ITGA9: variants seen among roughly 807,000 people sequenced by gnomAD.
ITGA9 encodes integrin alpha-9.
A neutral mutation model predicts 127.8 loss-of-function variants in ITGA9; 56 were observed. The ratio of observed to expected loss-of-function variants is 0.44; its 90% confidence interval spans 0.35 to 0.55. The LOEUF is 0.55. ITGA9 is among the 20% of genes least tolerant of loss of function. The pLI is 0.00. For missense variants in ITGA9, 1,196 were observed against 1,347.1 expected, an observed-to-expected ratio of 0.89 and a Z score of 1.76; for synonymous variants, 508 against 514.5, an observed-to-expected ratio of 0.99 and a Z score of 0.17.
At chr3:37,533,763 G>A (rs778836443) in intron 14 of ITGA9, among the ~76,000 whole-genome samples, 1 of 152,232 alleles carries the variant, frequency 6.6e-6, no homozygotes, top group African/African-American at 2.4e-5. Context: ...TATGGGACTG[G>A]TGGAGATATA....
At chr3:37,779,044 C>A (rs932288755) in intron 24 of ITGA9, among the ~76,000 whole-genome samples, 1 of 151,968 alleles carries the variant, frequency 6.6e-6, no homozygotes, top group Non-Finnish European at 1.5e-5. Flanking sequence ...CATTTTGGAA[C>A]CTATCATATA....
chr3:37,602,255 A>G (rs534178766), intron 15 of ITGA9, among the ~76,000 whole-genome samples: 10 of 152,242 alleles, frequency 6.6e-5, no homozygotes, highest in Admixed American at 2.0e-4. Context: ...TCTCCAAAAC[A>G]TTGTTCAAAA....
intron 15 of ITGA9, among the ~76,000 whole-genome samples, chr3:37,602,478 G>A (rs1413714925): frequency 6.6e-6 from 1 of 152,040 alleles, no homozygotes; most frequent in Non-Finnish European, 1.5e-5. Context: ...AGGGACTGAA[G>A]TAAATTTCCT....
At chr3:37,652,523 T>C (rs1700439495) in intron 16 of ITGA9, among the ~76,000 whole-genome samples, 3 of 152,108 alleles carry the variant, frequency 2.0e-5, no homozygotes, top group African/African-American at 4.8e-5. Context: ...CTTTTGGAAA[T>C]GTGGCAGGGG....
intron 18 of ITGA9, among the ~76,000 whole-genome samples, chr3:37,684,398 C>T (rs999123965): frequency 6.6e-6 from 1 of 152,196 alleles, no homozygotes. Flanking sequence ...CAGATCACTG[C>T]TTGTCGTGTT....
chr3:37,610,517 C>T (rs1700005957), intron 15 of ITGA9, among the ~76,000 whole-genome samples: 1 of 152,136 alleles, frequency 6.6e-6, no homozygotes, highest in Non-Finnish European at 1.5e-5. Flanking sequence ...TAAACAATCT[C>T]CTGGGATCAT....
chr3:37,699,045 A>G (rs559597125), intron 18 of ITGA9, among the ~76,000 whole-genome samples: 2 of 152,200 alleles, frequency 1.3e-5, no homozygotes, highest in African/African-American at 2.4e-5. Flanking sequence ...CCTCACCCCA[A>G]TTCTTCTCAC....
intron 26 of ITGA9, among the ~76,000 whole-genome samples, chr3:37,791,616 T>C (rs929075560): frequency 3.9e-5 from 6 of 152,180 alleles, no homozygotes; most frequent in Non-Finnish European, 8.8e-5. Flanking sequence ...GGCAGAAACC[T>C]TTCTACTTTC....
At chr3:37,488,426 G>A (rs1698633107) in intron 4 of ITGA9, among the ~76,000 whole-genome samples, 1 of 152,086 alleles carries the variant, frequency 6.6e-6, no homozygotes, top group African/African-American at 2.4e-5. Context: ...CTGAAGTAGG[G>A]AGTTGGCAAA....
intron 3 of ITGA9, among the ~76,000 whole-genome samples, chr3:37,480,783 C>CG (rs762751487): frequency 6.6e-6 from 1 of 152,178 alleles, no homozygotes; most frequent in Non-Finnish European, 1.5e-5. Flanking sequence ...AAGCCACCCC[C>CG]GTCGCCCATC....
intron 18 of ITGA9, among the ~76,000 whole-genome samples, chr3:37,732,305 T>C (rs1696302267): frequency 6.6e-6 from 1 of 152,044 alleles, no homozygotes; most frequent in Non-Finnish European, 1.5e-5. Context: ...TGTGATTTTC[T>C]TAGAGTTTGT....
At chr3:37,652,225 G>C (rs1446620649) in intron 16 of ITGA9, among the ~76,000 whole-genome samples, 1 of 152,090 alleles carries the variant, frequency 6.6e-6, no homozygotes, top group Non-Finnish European at 1.5e-5. Context: ...TCACTAGTGT[G>C]GTGGGGAAGC....
chr3:37,764,849 A>C (rs7628704), intron 23 of ITGA9, among the ~76,000 whole-genome samples: 2,124 of 152,278 alleles, frequency 0.014, 54 homozygotes, highest in African/African-American at 0.047. Context: ...GCTCCTTCTT[A>C]TTATGCAGAT....
chr3:37,458,808 A>T (rs1315679200), intron 1 of ITGA9, among the ~76,000 whole-genome samples: 1 of 152,218 alleles, frequency 6.6e-6, no homozygotes, highest in Non-Finnish European at 1.5e-5. Context: ...ATCCTGAGCA[A>T]TCTTGCCACC....
chr3:37,509,165 G>A (rs992154462), intron 8 of ITGA9, among the ~76,000 whole-genome samples: 3 of 152,168 alleles, frequency 2.0e-5, no homozygotes, highest in Non-Finnish European at 2.9e-5. Context: ...AGCTCAGGGT[G>A]CTGCCCTAAA....
At chr3:37,624,843 G>T (rs1700161874) in intron 15 of ITGA9, among the ~76,000 whole-genome samples, 1 of 152,118 alleles carries the variant, frequency 6.6e-6, no homozygotes, top group Admixed American at 6.5e-5. Context: ...CTGACCTCAG[G>T]TCATCCGCCT....
chr3:37,773,297 G>T (rs1696866503), intron 23 of ITGA9, among the ~76,000 whole-genome samples: 1 of 152,198 alleles, frequency 6.6e-6, no homozygotes, highest in Non-Finnish European at 1.5e-5. Context: ...TGTTTGGGTG[G>T]CCAGGCCTCG....
chr3:37,529,697 A>G (rs571638935), intron 13 of ITGA9, among the ~76,000 whole-genome samples: 7 of 152,308 alleles, frequency 4.6e-5, no homozygotes, highest in African/African-American at 1.2e-4. Context: ...ACCCTCATCT[A>G]TGTGAACCCT....
intron 22 of ITGA9, chr3:37,749,668 A>C (rs990504984): frequency 6.6e-6 from 1 of 152,198 alleles, no homozygotes; most frequent in African/African-American, 2.4e-5. Context: ...TTGACTTCTG[A>C]AGACAGAAAA....
Sources: allele counts gnomAD v4.1 joint callset (sites outside exome capture counted in the v4.1 genomes callset), GRCh38; gene constraint gnomAD v4.1.1; transcripts MANE v1.5; gene names NCBI Gene and HGNC (gene_info 2026-07-23, HGNC 2026-07-21).